Variants in PCDH15 observed in about 807,000 individuals in gnomAD.
The protein encoded by PCDH15 is protocadherin related 15.
A neutral mutation model predicts 178.5 loss-of-function variants in PCDH15; 129 were observed. That is an observed-to-expected ratio of 0.72 (90% CI 0.63 to 0.84). The LOEUF is 0.84. PCDH15 is among the 40% of genes least tolerant of loss of function. PCDH15 has a pLI of 0.00. For missense variants in PCDH15, 2,230 were observed against 2,099.9 expected (o/e 1.06, Z -1.21); for synonymous variants, 800 against 732.0 (o/e 1.09, Z -1.50).
rs1250388084 is a variant in PCDH15, at chr10:54,939,858, TA to T, written c.-79-42359del. 9.2e-5 allele frequency among the ~76,000 whole-genome samples: 14 copies of T among 152,274 alleles called. 2 individuals are homozygous for T. The highest frequency in any genetic ancestry group is 3.4e-4 in the African/African-American group (14 of 41,566). On this transcript the variant is annotated intron_variant, in intron 2 of 5. Coordinates refer to the PCDH15 transcript ENST00000458638. ...CCTCCAGCCTGTTTTATAAGAGCAC[TA>T]ATCTAGTTCGTGAGATCAGAGACCT...
intron 13 of PCDH15, among the ~76,000 whole-genome samples, chr10:54,170,896 C>T (rs1420936224): frequency 6.6e-6 from 1 of 152,082 alleles, no homozygotes; most frequent in African/African-American, 2.4e-5. Context: ...ATCTGCTATT[C>T]TACTACTCCT....
At chr10:55,189,032 T>C (rs1478417258) in intron 1 of PCDH15, among the ~76,000 whole-genome samples, 1 of 151,932 alleles carries the variant, frequency 6.6e-6, no homozygotes, top group Non-Finnish European at 1.5e-5. Context: ...GTAGGTTACC[T>C]TTGTAGTAGT....
chr10:55,510,845 A>G (rs1840864830), intron 2 of PCDH15, among the ~76,000 whole-genome samples: 3 of 148,886 alleles, frequency 2.0e-5, no homozygotes. Context: ...CATATATACT[A>G]TATATATAAT....
chr10:54,596,541 C>T (rs948690876), intron 2 of PCDH15, among the ~76,000 whole-genome samples: 1 of 152,034 alleles, frequency 6.6e-6, no homozygotes, highest in South Asian at 2.1e-4. Flanking sequence ...TATAAAGCAA[C>T]CAAACAAGTC....
chr10:54,293,099 G>C (rs920728550), intron 8 of PCDH15, among the ~76,000 whole-genome samples: 3 of 152,164 alleles, frequency 2.0e-5, no homozygotes, highest in Non-Finnish European at 4.4e-5. Context: ...AAACTGCATG[G>C]TACTGGTACA....
intron 2 of PCDH15, among the ~76,000 whole-genome samples, chr10:55,375,081 A>G (rs953265033): frequency 6.6e-6 from 1 of 152,050 alleles, no homozygotes; most frequent in African/African-American, 2.4e-5. Flanking sequence ...TGTGTTAGCT[A>G]TGTAGGAGTT....
intron 2 of PCDH15, among the ~76,000 whole-genome samples, chr10:54,915,567 TA>T (rs1314821676): frequency 6.6e-6 from 1 of 152,112 alleles, no homozygotes; most frequent in African/African-American, 2.4e-5. Context: ...TCCATCTTGA[TA>T]GGGGTGACTG....
intron 1 of PCDH15, among the ~76,000 whole-genome samples, chr10:54,686,633 T>C (rs2095016429): frequency 6.6e-6 from 1 of 152,188 alleles, no homozygotes; most frequent in African/African-American, 2.4e-5. Context: ...TATATTCTTA[T>C]CTATTTTTCC....
At chr10:55,436,205 T>C (rs1839036210) in intron 2 of PCDH15, among the ~76,000 whole-genome samples, 1 of 152,096 alleles carries the variant, frequency 6.6e-6, no homozygotes, top group Admixed American at 6.5e-5. Flanking sequence ...AAATCAAACA[T>C]AAATACTTTA....
chr10:53,972,319 T>TA (rs199937485), intron 21 of PCDH15, among the ~76,000 whole-genome samples: 17,179 of 152,076 alleles, frequency 0.11, 1,000 homozygotes, highest in East Asian at 0.12. Context: ...ATGTTAGACC[T>TA]AAAACCATAA....
intron 2 of PCDH15, among the ~76,000 whole-genome samples, chr10:55,070,844 T>C (rs1245365886): frequency 1.3e-5 from 2 of 152,096 alleles, no homozygotes; most frequent in African/African-American, 4.8e-5. Context: ...GGGGATGGCA[T>C]TGAATCTATA....
chr10:54,348,459 C>T (rs76697607), intron 5 of PCDH15, among the ~76,000 whole-genome samples: 365 of 152,136 alleles, frequency 2.4e-3, no homozygotes, highest in African/African-American at 8.7e-3. Flanking sequence ...TCCAAGCTGA[C>T]GTTCAATATT....
intron 3 of PCDH15, among the ~76,000 whole-genome samples, chr10:54,469,157 C>A (rs1167629783): frequency 6.6e-6 from 1 of 152,144 alleles, no homozygotes; most frequent in Non-Finnish European, 1.5e-5. Context: ...ACTGCAGTGG[C>A]ACGATCTCTG....
At chr10:54,932,545 A>C (rs1837805533) in intron 2 of PCDH15, among the ~76,000 whole-genome samples, 1 of 152,090 alleles carries the variant, frequency 6.6e-6, no homozygotes, top group African/African-American at 2.4e-5. Flanking sequence ...GTGTCACCTA[A>C]GTTTATCATG....
At chr10:55,172,392 G>A (rs1015607494) in intron 1 of PCDH15, among the ~76,000 whole-genome samples, 3 of 151,728 alleles carry the variant, frequency 2.0e-5, no homozygotes, top group African/African-American at 7.2e-5. Context: ...TTTTTTCTGA[G>A]TAAAAGATAG....
At chr10:53,861,970 A>T (rs958233735) in intron 27 of PCDH15, among the ~76,000 whole-genome samples, 3 of 152,036 alleles carry the variant, frequency 2.0e-5, no homozygotes, top group African/African-American at 7.2e-5. Flanking sequence ...TTTCTTTTTT[A>T]AATACTATAC....
chr10:54,557,990 A>T (rs1220742887), intron 2 of PCDH15, among the ~76,000 whole-genome samples: 4 of 152,092 alleles, frequency 2.6e-5, no homozygotes, highest in African/African-American at 9.7e-5. Flanking sequence ...CTATGTAGCC[A>T]CTCTGATATG....
intron 15 of PCDH15, among the ~76,000 whole-genome samples, chr10:54,127,110 A>G (rs1590654063): frequency 6.6e-6 from 1 of 151,960 alleles, no homozygotes; most frequent in East Asian, 1.9e-4. Flanking sequence ...AGCCAAAAAC[A>G]AAAAAAAGAG....
chr10:54,810,879 G>C (rs1952852847), intron 3 of PCDH15, among the ~76,000 whole-genome samples: 1 of 152,020 alleles, frequency 6.6e-6, no homozygotes, highest in African/African-American at 2.4e-5. Context: ...AGCTATGGAT[G>C]AACTTCTACC....
Sources: gnomAD v4.1 joint callset for allele counts (sites outside exome capture counted in the v4.1 genomes callset) on GRCh38, gnomAD v4.1.1 for gene constraint, MANE v1.5 for transcripts, NCBI Gene and HGNC (gene_info 2026-07-23, HGNC 2026-07-21) for gene names.